Variants in FAM117A observed in about 807,000 individuals in gnomAD.
FAM117A encodes the protein protein FAM117A.
In FAM117A, 21 loss-of-function variants were observed where a neutral mutation model predicts 44.1. That is an observed-to-expected ratio of 0.48 (90% confidence interval 0.34 to 0.69). The LOEUF (loss-of-function observed/expected upper bound fraction) is 0.69. FAM117A is among the 30% of genes least tolerant of loss of function. The pLI is 0.01. For synonymous variants in FAM117A, 220 were observed against 238.3 expected (o/e 0.92, Z 0.71); for missense variants, 498 against 589.9 (o/e 0.84, Z 1.61).
intron 2 of FAM117A, among the ~76,000 whole-genome samples, chr17:49,730,317 TG>T (rs2073579287): frequency 6.6e-6 from 1 of 152,228 alleles, no homozygotes; most frequent in Non-Finnish European, 1.5e-5. Flanking sequence ...ACCTCTGTCT[TG>T]CTGTGGCAAG....
At chr17:49,768,595 A>C (rs2073751935), upstream of FAM117A, among the ~76,000 whole-genome samples, 1 of 152,150 alleles carries the variant, frequency 6.6e-6, no homozygotes, top group African/African-American at 2.4e-5. Context: ...CCTCTGTCTG[A>C]AATGTCAGGA....
intron 7 of FAM117A, 25 bp from the exon 8 acceptor site, chr17:49,711,580 A>G (rs762616095): frequency 6.2e-7 from 1 of 1,607,934 alleles, no homozygotes; most frequent in East Asian, 2.2e-5. Context: ...GAGACACACA[A>G]GACACATACG....
intron 1 of FAM117A, among the ~76,000 whole-genome samples, chr17:49,763,503 G>A (rs1055283281): frequency 1.5e-4 from 21 of 143,880 alleles, no homozygotes; most frequent in Admixed American, 1.3e-3. Flanking sequence ...ACCGACTCCT[G>A]CTCCCAGCGC....
chr17:49,788,549 A>C (rs1598043485), exon 1 of FAM117A: 2 of 396,674 alleles, frequency 5.0e-6, no homozygotes, highest in South Asian at 6.0e-5. Flanking sequence ...CTTTCTGCCC[A>C]ACTTCAAAAT....
At chr17:49,782,834 T>C (rs1455518560) in intron 1 of FAM117A, among the ~76,000 whole-genome samples, 2 of 152,178 alleles carry the variant, frequency 1.3e-5, no homozygotes, top group African/African-American at 4.8e-5. Flanking sequence ...GTGAAAGTGC[T>C]CCTCTAGCCC....
upstream of FAM117A, chr17:49,764,290 C>G (rs1261929106): frequency 9.1e-6 from 3 of 330,426 alleles, no homozygotes; most frequent in Non-Finnish European, 1.1e-5. Flanking sequence ...GTCGATGAGC[C>G]TAGCGATCCA....
intron 7 of FAM117A, among the ~76,000 whole-genome samples, chr17:49,715,305 T>C (rs996922915): frequency 2.0e-5 from 3 of 152,188 alleles, no homozygotes; most frequent in African/African-American, 7.2e-5. Context: ...CCATGGGTTA[T>C]TGCTCCCTTA....
rs373554983 is a variant in FAM117A at position 49,764,099 on chromosome 17, C to T, written c.-12G>A. ...GCGGCCCCCGCCATGGCTCTCCCGG[C>T]TGCCTGCCTCAGCCCCACTGCGAGA... On this transcript the variant is annotated 5_prime_UTR_variant, in exon 1 of 8. Transcript: ENST00000240364. 8 of 1,258,542 alleles carry T rather than the reference C, an allele frequency of 6.4e-6. No individual in the cohort carries two copies. The highest frequency in any genetic ancestry group is 5.9e-5 in the East Asian group (2 of 33,642). The allele number at this position is 1,258,542 out of a possible 1,614,324, so 78.0% of individuals were successfully genotyped here.
At chr17:49,717,738 C>G (rs759586119) in intron 5 of FAM117A, 24 bp from the exon 6 acceptor site, 1 of 1,563,970 alleles carries the variant, frequency 6.4e-7, no homozygotes, top group South Asian at 1.2e-5. Context: ...ACGGTAAAGA[C>G]TGTCAGCCCT....
intron 1 of FAM117A, among the ~76,000 whole-genome samples, chr17:49,758,461 T>C (rs1356994538): frequency 6.7e-6 from 1 of 150,180 alleles, no homozygotes; most frequent in Non-Finnish European, 1.5e-5. Flanking sequence ...CCGTCTCTAC[T>C]AAAAATACAA....
At chr17:49,742,899 T>C (rs2073640391) in intron 1 of FAM117A, among the ~76,000 whole-genome samples, 1 of 152,176 alleles carries the variant, frequency 6.6e-6, no homozygotes, top group African/African-American at 2.4e-5. Context: ...AGGACAACCA[T>C]GATTGAAACT....
rs1301523318 is a variant in FAM117A at position 49,710,658 on chromosome 17, G to C, written c.*597C>G. ...CACCTGGGGCTGGGCGGGCTGGGCTGCTACTTAAGACAATCTTTAGTCAGG... is the reference window on the plus strand; with the variant it reads ...CACCTGGGGCTGGGCGGGCTGGGCTCCTACTTAAGACAATCTTTAGTCAGG... On this transcript the variant is annotated 3_prime_UTR_variant, in exon 8 of 8. Transcript: ENST00000240364. 1 of 152,802 alleles carries C rather than the reference G, an allele frequency of 6.5e-6. No homozygotes were observed. The highest frequency in any genetic ancestry group is 1.5e-5 in the Non-Finnish European group (1 of 68,164). The allele number at this position is 152,802 out of a possible 1,614,324, so 9.5% of individuals were successfully genotyped here. A position where few individuals can be genotyped will look rare whatever the true frequency, so the allele number is the denominator to read the frequency against.
At chr17:49,789,023 C>G, upstream of FAM117A, 1 of 507,458 alleles carries the variant, frequency 2.0e-6, no homozygotes, top group Non-Finnish European at 3.4e-6. Context: ...CCGACCCTGG[C>G]CTCGGCCTAT....
intron 1 of FAM117A, among the ~76,000 whole-genome samples, chr17:49,734,822 A>G (rs1451739691): frequency 6.6e-6 from 1 of 152,186 alleles, no homozygotes; most frequent in Admixed American, 6.5e-5. Context: ...AATGCAGCAC[A>G]TCCATACTGT....
In FAM117A at chr17:49,719,749, C is replaced by A; in HGVS notation, c.708+11G>T. The A allele has an allele frequency of 6.4e-7, 1 of 1,557,104 alleles. No individual in the cohort carries two copies. On this transcript the variant is annotated intron_variant, in intron 5 of 7. Transcript: ENST00000240364. ...GACTGTGGGTGCACTCAGGGTGCAGCCGCCACTCACCCTCAGCAGCTCCTC... is the reference window on the plus strand; with the variant it reads ...GACTGTGGGTGCACTCAGGGTGCAGACGCCACTCACCCTCAGCAGCTCCTC...
rs200871893 is a variant in FAM117A, at chr17:49,711,704, CT to C, written c.1062-150del. 3.0e-3 allele frequency: 2,007 copies of C among 668,036 alleles called. 36 individuals carry two copies. The African/African-American group carries it at 0.033, about 11-fold the overall frequency. The allele number at this position is 668,036 out of a possible 1,614,324, so 41.4% of individuals were successfully genotyped here. A position where few individuals can be genotyped will look rare whatever the true frequency, so the allele number is the denominator to read the frequency against. ...TGGAACTTGACCGAAAACCAAGCCC[CT>C]CATCTCTCTATTTTTAAAAAAATAT... On this transcript the variant is annotated intron_variant, in intron 7 of 7. Transcript: ENST00000240364.
chr17:49,721,938 A>G (rs953770249), intron 3 of FAM117A, among the ~76,000 whole-genome samples: 13 of 152,070 alleles, frequency 8.5e-5, no homozygotes, highest in Admixed American at 2.6e-4. Flanking sequence ...AAAAAAAAAA[A>G]AAATTCAAAA....
intron 3 of FAM117A, 72 bp downstream of exon 3, chr17:49,722,427 G>A: frequency 8.2e-7 from 1 of 1,219,862 alleles, no homozygotes; most frequent in Non-Finnish European, 1.2e-6. Flanking sequence ...CCATGGAGCA[G>A]ATGCATTGCA....
intron 1 of FAM117A, among the ~76,000 whole-genome samples, chr17:49,774,657 C>T (rs1381151678): frequency 6.6e-6 from 1 of 152,168 alleles, no homozygotes; most frequent in African/African-American, 2.4e-5. Context: ...CGTGCTCTGT[C>T]AACTCTGGTA....
Sources: allele counts gnomAD v4.1 joint callset (sites outside exome capture counted in the v4.1 genomes callset), GRCh38; gene constraint gnomAD v4.1.1; transcripts MANE v1.5; gene names NCBI Gene and HGNC (gene_info 2026-07-23, HGNC 2026-07-21).